EIF2S1: variants seen among roughly 807,000 people sequenced by gnomAD.
EIF2S1 encodes the protein eukaryotic translation initiation factor 2 subunit alpha, also known as eukaryotic translation initiation factor 2 subunit 1.
EIF2S1 carries 5 observed loss-of-function variants against 33.5 expected under a neutral mutation model. The ratio of observed to expected loss-of-function variants is 0.15; its 90% CI spans 0.08 to 0.31. The LOEUF is 0.31. Among genes scored for constraint, EIF2S1 ranks in the 10% least tolerant of loss-of-function variants. The probability of loss-of-function intolerance (pLI) is 1.00; values close to 1 mark genes in which losing one functional copy is unlikely to be tolerated. For synonymous variants in EIF2S1, 99 were observed against 127.5 expected (o/e 0.78, Z 1.51); for missense variants, 191 against 384.6 (o/e 0.50, Z 4.21).
At position 67,374,558 on chromosome 14, in the gene EIF2S1, C is replaced by A. The variant is rs1464075162; in HGVS notation, c.321+11C>A. On this transcript the variant is annotated intron_variant, in intron 3 of 7. Coordinates refer to ENST00000256383, the MANE Select transcript of EIF2S1 (RefSeq NM_004094.5). ...ACAAAATCCAAAACTGTAAGTTGAT[C>A]TTTGAGTCAAATTAGTCCACTATCT... 6.3e-7 allele frequency: 1 copy of A among 1,578,954 alleles called. No individual in the cohort carries two copies. Among genetic ancestry groups the A allele is most frequent in the South Asian group, 1.1e-5 (1 of 87,472 alleles).
chr14:67,381,648 A>G lies in EIF2S1; in HGVS notation c.636A>G (p.Leu212=), dbSNP rs751843426. 2 of 1,613,682 alleles carry G rather than the reference A, an allele frequency of 1.2e-6. No individual in the cohort carries two copies. Among genetic ancestry groups the G allele is most frequent in the Non-Finnish European group, 1.7e-6 (2 of 1,179,720 alleles). The change falls in exon 6 of 8, where the codon CTA becomes CTG. Residue 212 remains leucine, a synonymous_variant. Transcript: ENST00000256383. ...YEGIDAVKEA[L]RAGLNCSTEN... is the part of the protein sequence containing the mutation. ...GCATTGATGCTGTAAAAGAAGCCCT[A>G]AGAGCAGGTTTGAATTGTTCTACAG... is the stretch of plus-strand genomic sequence containing the variant.
chr14:67,382,889 G>C (rs960484364), intron 7 of EIF2S1, among the ~76,000 whole-genome samples: 9 of 149,228 alleles, frequency 6.0e-5, no homozygotes, highest in African/African-American at 1.8e-4. Flanking sequence ...AGAAAGAAGT[G>C]TGTGTACGTG....
In EIF2S1 at chr14:67,382,868, C is replaced by A. The variant is rs543797492; in HGVS notation, c.822+278C>A. Among the ~76,000 whole-genome samples the A allele has an allele frequency of 4.6e-5, 7 of 151,930 alleles. No homozygotes were observed. In the East Asian group the frequency reaches 1.4e-3, roughly 29 times the overall value. ...AAAAAAAGTTGTCTCCTGTCTTTTCCTTGTCCAACAAGAAAGAAGTGTGTG... is the reference window on the plus strand; with the variant it reads ...AAAAAAAGTTGTCTCCTGTCTTTTCATTGTCCAACAAGAAAGAAGTGTGTG... On this transcript the variant is annotated intron_variant, in intron 7 of 7. Coordinates refer to ENST00000256383, the MANE Select transcript of EIF2S1 (RefSeq NM_004094.5).
intron 7 of EIF2S1, 37 bp from the exon 8 acceptor site, chr14:67,383,278 A>G: frequency 6.2e-7 from 1 of 1,606,006 alleles, no homozygotes; most frequent in Non-Finnish European, 8.5e-7. Context: ...TATAGTATTT[A>G]CTACTTCAGT....
At chr14:67,366,796 G>A (rs1015620028) in intron 2 of EIF2S1, among the ~76,000 whole-genome samples, 18 of 149,620 alleles carry the variant, frequency 1.2e-4, no homozygotes, top group African/African-American at 4.0e-4. Context: ...GCCAAAAGCA[G>A]GCCAAAATTG....
Position 67,381,684 on chromosome 14 carries a change from C to T in EIF2S1, c.672C>T (p.Pro224=), listed in dbSNP as rs370586874. 8.5e-5 allele frequency: 137 copies of T among 1,610,730 alleles called. No homozygotes were observed. Among genetic ancestry groups the T allele is most frequent in the Middle Eastern group, 1.6e-4 (1 of 6,068 alleles). ...TGAATTGTTCTACAGAAAACATGCC[C>T]ATTAAGGTGAGTCATGAGTTGTCTC... ...AGLNCSTENM[P]IKINLIAPPR... The change falls in exon 6 of 8, where the codon CCC becomes CCT. Residue 224 remains proline, a synonymous_variant. Coordinates refer to ENST00000256383, the MANE Select transcript of EIF2S1 (RefSeq NM_004094.5).
At chr14:67,365,598 T>C (rs1179476135) in intron 2 of EIF2S1, among the ~76,000 whole-genome samples, 1 of 152,256 alleles carries the variant, frequency 6.6e-6, no homozygotes, top group Non-Finnish European at 1.5e-5. Flanking sequence ...TGGATGCCTT[T>C]TCTGGGCCCC....
At chr14:67,376,632 A>T in intron 4 of EIF2S1, 42 bp downstream of exon 4, 2 of 1,591,824 alleles carry the variant, frequency 1.3e-6, no homozygotes, top group Non-Finnish European at 1.7e-6. Context: ...TTGATATCAC[A>T]ACTCTTGGCC....
chr14:67,374,328 T>C (rs1368226404), intron 2 of EIF2S1, 140 bp from the exon 3 acceptor site: 5 of 472,574 alleles, frequency 1.1e-5, no homozygotes, highest in Admixed American at 7.3e-5. Context: ...GTAATACTTA[T>C]GCAGTATTTT....
At chr14:67,365,589 G>A (rs2085770652) in intron 2 of EIF2S1, among the ~76,000 whole-genome samples, 1 of 152,006 alleles carries the variant, frequency 6.6e-6, no homozygotes, top group African/African-American at 2.4e-5. Context: ...TTTACTTATT[G>A]GATGCCTTTT....
chr14:67,369,870 T>TC (rs1425193783), intron 2 of EIF2S1, among the ~76,000 whole-genome samples: 1 of 152,176 alleles, frequency 6.6e-6, no homozygotes, highest in Non-Finnish European at 1.5e-5. Flanking sequence ...GGGGAGACCC[T>TC]AACCCAGAGG....
At chr14:67,361,126 T>C (rs1299733054) in intron 1 of EIF2S1, among the ~76,000 whole-genome samples, 3 of 152,252 alleles carry the variant, frequency 2.0e-5, no homozygotes, top group East Asian at 3.8e-4. Context: ...TAAGCATAAC[T>C]AAAACCTAAG....
At chr14:67,378,161 A>G (rs1252363994) in intron 4 of EIF2S1, among the ~76,000 whole-genome samples, 1 of 151,190 alleles carries the variant, frequency 6.6e-6, no homozygotes, top group African/African-American at 2.4e-5. Context: ...TCAGTTCTCT[A>G]TACTTGCTGT....
At chr14:67,360,997 A>C (rs966654036) in intron 1 of EIF2S1, among the ~76,000 whole-genome samples, 1 of 151,954 alleles carries the variant, frequency 6.6e-6, no homozygotes, top group African/African-American at 2.4e-5. Flanking sequence ...TGAATGAGTC[A>C]CCCCTTGAAC....
chr14:67,380,614 T>C, intron 4 of EIF2S1, 45 bp from the exon 5 acceptor site: 1 of 1,097,582 alleles, frequency 9.1e-7, no homozygotes, highest in Non-Finnish European at 1.3e-6. Context: ...CATTTATCAG[T>C]AATATAACCT....
chr14:67,365,891 T>C (rs887260722), intron 2 of EIF2S1, among the ~76,000 whole-genome samples: 2 of 152,170 alleles, frequency 1.3e-5, no homozygotes, highest in African/African-American at 2.4e-5. Flanking sequence ...AGATGATACA[T>C]AGATTTTGAG....
At position 67,363,501 on chromosome 14, in the gene EIF2S1, GT is replaced by G. The variant is rs1325936947; in HGVS notation, c.-1-1262del. On this transcript the variant is annotated intron_variant, in intron 1 of 7. Coordinates refer to ENST00000256383, the MANE Select transcript of EIF2S1 (RefSeq NM_004094.5). ...TCTAATTATAATATATTTATGAATA[GT>G]TTTGAGAGAATATAGTCTTACTGAT... is the stretch of plus-strand genomic sequence containing the variant. Among the ~76,000 whole-genome samples the G allele has an allele frequency of 4.6e-5, 7 of 152,086 alleles. No homozygotes were observed. In the South Asian group the frequency reaches 1.5e-3, roughly 32 times the overall value.
At chr14:67,381,747 C>T in intron 6 of EIF2S1, 57 bp downstream of exon 6, 2 of 1,139,910 alleles carry the variant, frequency 1.8e-6, no homozygotes, top group Non-Finnish European at 2.5e-6. Flanking sequence ...CAAATAGGAT[C>T]TTTGATCTTT....
rs1352415621 is a variant in EIF2S1 at position 67,375,259 on chromosome 14, T to C, written c.321+712T>C. On this transcript the variant is annotated intron_variant, in intron 3 of 7. Transcript: ENST00000256383. ...GTGTGTGTGTGTGTGTGTGTGTGTGTGTGTGTGTGTGTGTGTGTGTGTGTC... is the reference window on the plus strand; with the variant it reads ...GTGTGTGTGTGTGTGTGTGTGTGTGCGTGTGTGTGTGTGTGTGTGTGTGTC... Among the ~76,000 whole-genome samples the C allele has an allele frequency of 2.6e-5, 4 of 151,414 alleles. No individual in the cohort carries two copies. In the East Asian group the frequency reaches 7.7e-4, roughly 29 times the overall value.
Sources: gnomAD v4.1 joint callset for allele counts (sites outside exome capture counted in the v4.1 genomes callset) on GRCh38, gnomAD v4.1.1 for gene constraint, MANE v1.5 for transcripts, NCBI Gene and HGNC (gene_info 2026-07-23, HGNC 2026-07-21) for gene names.